The following TTC29 variants were observed in gnomAD, a reference collection of about 807,000 sequenced individuals.
TTC29 encodes the protein tetratricopeptide repeat domain 29.
Under a neutral mutation model 58.1 loss-of-function variants are expected in TTC29, and 49 were observed. The observed-to-expected ratio is 0.84, with a 90% CI of 0.67 to 1.07. The LOEUF is 1.07. Ranked by LOEUF, TTC29 falls within the 50% of genes least tolerant of loss-of-function variation. TTC29 has a pLI of 0.00. For synonymous variants in TTC29, 209 were observed against 196.8 expected (o/e 1.06, Z -0.52); for missense variants, 582 against 555.6 (o/e 1.05, Z -0.48).
chr4:146,914,990 C>A (rs909879992), intron 4 of TTC29, among the ~76,000 whole-genome samples: 12 of 152,118 alleles, frequency 7.9e-5, no homozygotes, highest in Non-Finnish European at 1.5e-4. Context: ...TTTTGAATAG[C>A]TACTATTTAT....
At chr4:146,840,080 C>T (rs933205589) in intron 8 of TTC29, among the ~76,000 whole-genome samples, 5 of 151,696 alleles carry the variant, frequency 3.3e-5, no homozygotes, top group African/African-American at 7.3e-5. Flanking sequence ...TGGGGACAAA[C>T]GTTATAAAAT....
At chr4:146,867,829 T>C (rs1730665900) in intron 7 of TTC29, among the ~76,000 whole-genome samples, 1 of 152,112 alleles carries the variant, frequency 6.6e-6, no homozygotes. Context: ...ACATACCTCA[T>C]ACCATTTGGC....
intron 5 of TTC29, among the ~76,000 whole-genome samples, chr4:146,908,781 T>C (rs574256819): frequency 2.6e-5 from 4 of 152,322 alleles, no homozygotes; most frequent in East Asian, 1.9e-4. Context: ...TCTGGAGATA[T>C]TATTAGGTGC....
chr4:146,907,947 C>T (rs192691272), intron 5 of TTC29, among the ~76,000 whole-genome samples: 13 of 152,214 alleles, frequency 8.5e-5, no homozygotes, highest in African/African-American at 3.1e-4. Flanking sequence ...ACATAACCAC[C>T]TCCTATCCCA....
At chr4:146,828,618 T>C (rs546960533) in intron 9 of TTC29, among the ~76,000 whole-genome samples, 1 of 152,144 alleles carries the variant, frequency 6.6e-6, no homozygotes, top group African/African-American at 2.4e-5. Context: ...AATCAAGATA[T>C]ATACAAACAA....
intron 4 of TTC29, among the ~76,000 whole-genome samples, chr4:146,919,778 A>T (rs1049277644): frequency 6.6e-6 from 1 of 151,226 alleles, no homozygotes; most frequent in Non-Finnish European, 1.5e-5. Flanking sequence ...ATTATAAATA[A>T]AAGAACTATC....
intron 11 of TTC29, among the ~76,000 whole-genome samples, chr4:146,728,858 C>CATATATATGTATATATAT (rs1344862897): frequency 2.4e-5 from 1 of 41,190 alleles, no homozygotes; most frequent in African/African-American, 5.8e-5. Flanking sequence ...TATATATATA[C>CATATATATGTATATATAT]ACATATATAT....
At chr4:146,738,478 G>A (rs1482956966) in intron 11 of TTC29, among the ~76,000 whole-genome samples, 1 of 152,022 alleles carries the variant, frequency 6.6e-6, no homozygotes, top group East Asian at 1.9e-4. Flanking sequence ...ATAGTATGAT[G>A]GACTGGACTA....
At chr4:146,817,078 C>T (rs1375522987) in intron 10 of TTC29, among the ~76,000 whole-genome samples, 1 of 152,080 alleles carries the variant, frequency 6.6e-6, no homozygotes, top group African/African-American at 2.4e-5. Flanking sequence ...GAAGTTCTGG[C>T]CAGGGCAATT....
intron 10 of TTC29, among the ~76,000 whole-genome samples, chr4:146,817,610 A>G (rs1312437320): frequency 2.6e-5 from 4 of 152,220 alleles, no homozygotes; most frequent in Non-Finnish European, 5.9e-5. Context: ...ATCAAAACAG[A>G]GCCCGCATCA....
intron 11 of TTC29, among the ~76,000 whole-genome samples, chr4:146,713,740 A>G (rs1329021020): frequency 6.6e-6 from 1 of 152,122 alleles, no homozygotes; most frequent in Non-Finnish European, 1.5e-5. Flanking sequence ...ATTCAAAAGT[A>G]TAGGGTTTTT....
chr4:146,893,926 A>G (rs963090155), intron 6 of TTC29, among the ~76,000 whole-genome samples: 18 of 152,242 alleles, frequency 1.2e-4, no homozygotes, highest in African/African-American at 4.3e-4. Flanking sequence ...GACACATGAA[A>G]AAATACTCAT....
chr4:146,859,567 T>C (rs910014187), intron 8 of TTC29, among the ~76,000 whole-genome samples: 2 of 152,172 alleles, frequency 1.3e-5, no homozygotes, highest in Non-Finnish European at 2.9e-5. Context: ...TACTGGGTTC[T>C]ATTACGCACA....
chr4:146,885,261 G>A (rs913055459), intron 6 of TTC29, among the ~76,000 whole-genome samples: 4 of 151,816 alleles, frequency 2.6e-5, no homozygotes, highest in African/African-American at 9.7e-5. Flanking sequence ...AGGATATTTA[G>A]CAAAAATAAA....
chr4:146,779,942 C>A (rs1470829940), intron 11 of TTC29, among the ~76,000 whole-genome samples: 4 of 152,114 alleles, frequency 2.6e-5, no homozygotes, highest in African/African-American at 9.7e-5. Flanking sequence ...ACACTACATT[C>A]AAATAAACTT....
At chr4:146,845,237 C>T (rs185718574) in intron 8 of TTC29, among the ~76,000 whole-genome samples, 17 of 152,166 alleles carry the variant, frequency 1.1e-4, no homozygotes, top group African/African-American at 1.9e-4. Flanking sequence ...AGAGTTAAGG[C>T]GGTAAATAGG....
chr4:146,825,397 T>A (rs1040239625), intron 9 of TTC29, among the ~76,000 whole-genome samples: 1 of 152,224 alleles, frequency 6.6e-6, no homozygotes, highest in Non-Finnish European at 1.5e-5. Context: ...TCAATTTCCA[T>A]GTAATTTTGC....
chr4:146,715,635 G>A (rs1435981253), intron 11 of TTC29, among the ~76,000 whole-genome samples: 1 of 152,076 alleles, frequency 6.6e-6, no homozygotes, highest in African/African-American at 2.4e-5. Context: ...GGAGAAGGTG[G>A]GAGATGTTGG....
At chr4:146,831,517 C>G (rs995536095) in intron 9 of TTC29, 1 of 195,620 alleles carries the variant, frequency 5.1e-6, no homozygotes. Flanking sequence ...AGTGTTGGAA[C>G]AGAATGGTCC....
Sources: allele counts gnomAD v4.1 joint callset (sites outside exome capture counted in the v4.1 genomes callset), GRCh38; gene constraint gnomAD v4.1.1; transcripts MANE v1.5; gene names NCBI Gene and HGNC (gene_info 2026-07-23, HGNC 2026-07-21).